CSMD1: variants seen among roughly 807,000 people sequenced by gnomAD.
CSMD1 encodes CUB and Sushi multiple domains 1.
Under a neutral mutation model 417.5 loss-of-function variants are expected in CSMD1, and 213 were observed. The ratio of observed to expected loss-of-function variants is 0.51; its 90% CI spans 0.46 to 0.57. The LOEUF (loss-of-function observed/expected upper bound fraction) is 0.57, where lower values mean the gene tolerates loss of function less well. Ranked by LOEUF, CSMD1 falls within the 20% of genes least tolerant of loss-of-function variation. The probability of loss-of-function intolerance (pLI) is 0.00; values close to 1 mark genes in which losing one functional copy is unlikely to be tolerated. For synonymous variants in CSMD1, 2,862 were observed against 1,736.8 expected (o/e 1.65, Z -16.11); for missense variants, 6,923 against 4,529.7 (o/e 1.53, Z -15.17).
At chr8:3,717,831 G>C (rs564346856) in intron 6 of CSMD1, among the ~76,000 whole-genome samples, 6 of 152,178 alleles carry the variant, frequency 3.9e-5, no homozygotes, top group African/African-American at 9.6e-5. Flanking sequence ...TTAGAAATTA[G>C]TTTTTCTCAC....
At chr8:4,819,723 C>T (rs892960556) in intron 1 of CSMD1, among the ~76,000 whole-genome samples, 1 of 152,046 alleles carries the variant, frequency 6.6e-6, no homozygotes, top group Non-Finnish European at 1.5e-5. Flanking sequence ...ACAGATAAAA[C>T]CATTGAACGG....
intron 2 of CSMD1, among the ~76,000 whole-genome samples, chr8:4,592,422 C>T (rs1800038299): frequency 6.6e-6 from 1 of 151,786 alleles, no homozygotes; most frequent in Non-Finnish European, 1.5e-5. Context: ...AGTCTTACTC[C>T]ATCTCCCAGG....
intron 10 of CSMD1, among the ~76,000 whole-genome samples, chr8:3,546,076 G>A (rs370084526): frequency 6.6e-6 from 1 of 152,170 alleles, no homozygotes. Flanking sequence ...AACAGCCCTT[G>A]CTAACAAATG....
intron 3 of CSMD1, among the ~76,000 whole-genome samples, chr8:4,044,081 T>G (rs2130652273): frequency 6.6e-6 from 1 of 152,268 alleles, no homozygotes; most frequent in African/African-American, 2.4e-5. Context: ...TCTTGCCCAT[T>G]GCTTGTCTCT....
intron 25 of CSMD1, among the ~76,000 whole-genome samples, chr8:3,288,596 T>G (rs144378757): frequency 6.8e-6 from 1 of 147,322 alleles, no homozygotes; most frequent in East Asian, 2.0e-4. Context: ...TAGAGGTGTT[T>G]ATAGTATTCT....
chr8:4,082,422 G>A (rs1185037133), intron 3 of CSMD1, among the ~76,000 whole-genome samples: 6 of 152,058 alleles, frequency 3.9e-5, no homozygotes, highest in Non-Finnish European at 8.8e-5. Flanking sequence ...AGTATTTTAA[G>A]AAATCTTTTG....
chr8:4,069,724 A>G (rs568529167), intron 3 of CSMD1, among the ~76,000 whole-genome samples: 1 of 152,158 alleles, frequency 6.6e-6, no homozygotes, highest in South Asian at 2.1e-4. Context: ...ACTAAACTCT[A>G]GGCACCTTGA....
intron 1 of CSMD1, among the ~76,000 whole-genome samples, chr8:4,901,504 G>T (rs1275225656): frequency 6.6e-6 from 1 of 152,036 alleles, no homozygotes; most frequent in Non-Finnish European, 1.5e-5. Context: ...TTCCATCTTT[G>T]TGAGCTTAAA....
At chr8:3,779,746 T>A (rs1799077975) in intron 5 of CSMD1, among the ~76,000 whole-genome samples, 1 of 152,224 alleles carries the variant, frequency 6.6e-6, no homozygotes, top group Non-Finnish European at 1.5e-5. Context: ...ATATTTAAGT[T>A]ATTTGAAAGA....
intron 10 of CSMD1, among the ~76,000 whole-genome samples, chr8:3,568,908 A>G (rs1056923821): frequency 6.6e-6 from 1 of 152,124 alleles, no homozygotes; most frequent in East Asian, 1.9e-4. Context: ...TGAAGACCCC[A>G]GGGATAAACT....
At chr8:3,583,472 A>T (rs1003073173) in intron 9 of CSMD1, among the ~76,000 whole-genome samples, 4 of 152,062 alleles carry the variant, frequency 2.6e-5, no homozygotes, top group African/African-American at 9.7e-5. Flanking sequence ...GAGGTGGCAG[A>T]AGCTTAGCAG....
At chr8:4,638,597 G>A (rs1018033722) in intron 1 of CSMD1, among the ~76,000 whole-genome samples, 9 of 152,172 alleles carry the variant, frequency 5.9e-5, no homozygotes, top group Admixed American at 3.3e-4. Context: ...CAAAATGAGG[G>A]GACCAAGTAA....
intron 2 of CSMD1, among the ~76,000 whole-genome samples, chr8:4,574,343 C>T (rs1006155618): frequency 4.6e-5 from 7 of 152,160 alleles, no homozygotes; most frequent in South Asian, 4.1e-4. Context: ...CCCTCAACGG[C>T]GTAGTCCTTC....
At chr8:4,418,750 G>T (rs968127149) in intron 3 of CSMD1, among the ~76,000 whole-genome samples, 2 of 150,370 alleles carry the variant, frequency 1.3e-5, no homozygotes, top group Non-Finnish European at 2.9e-5. Context: ...AACATCCACT[G>T]ATCTTCAATT....
rs368112950 is a variant in CSMD1 at position 4,957,708 on chromosome 8, G to C, written c.85+36624C>G. 4.6e-5 allele frequency among the ~76,000 whole-genome samples: 7 copies of C among 152,196 alleles called. No individual in the cohort carries two copies. The East Asian group carries it at 7.7e-4, about 17-fold the overall frequency. On this transcript the variant is annotated intron_variant, in intron 1 of 69. Transcript: ENST00000635120. The stretch of plus-strand genomic sequence containing the variant: ...ATTGCTATAGTAAGATTTTTTGTTT[G>C]TTTCTTACCATGTCTCTTTTCCCAT...
At chr8:4,505,234 T>G (rs886503968) in intron 2 of CSMD1, among the ~76,000 whole-genome samples, 1 of 152,160 alleles carries the variant, frequency 6.6e-6, no homozygotes, top group African/African-American at 2.4e-5. Flanking sequence ...GTAGAGAAAG[T>G]TTTTCCTTAC....
chr8:2,940,393 C>T (rs1426721015), intron 69 of CSMD1, among the ~76,000 whole-genome samples: 1 of 152,138 alleles, frequency 6.6e-6, no homozygotes, highest in African/African-American at 2.4e-5. Flanking sequence ...ATTCAACATG[C>T]AGGGCAGCCT....
intron 18 of CSMD1, among the ~76,000 whole-genome samples, chr8:3,375,551 A>G (rs1258667928): frequency 6.6e-6 from 1 of 152,086 alleles, no homozygotes; most frequent in Non-Finnish European, 1.5e-5. Flanking sequence ...ATATGAATAC[A>G]TTATATATAT....
At chr8:4,292,704 T>G (rs1245352830) in intron 3 of CSMD1, among the ~76,000 whole-genome samples, 3 of 152,220 alleles carry the variant, frequency 2.0e-5, no homozygotes, top group African/African-American at 7.2e-5. Context: ...CAGTTTATTT[T>G]TTCTATGTTA....
Sources: gnomAD v4.1 joint callset for allele counts (sites outside exome capture counted in the v4.1 genomes callset) on GRCh38, gnomAD v4.1.1 for gene constraint, MANE v1.5 for transcripts, NCBI Gene and HGNC (gene_info 2026-07-23, HGNC 2026-07-21) for gene names.